GTPBP8: variants seen among roughly 807,000 people sequenced by gnomAD.
GTPBP8 encodes the protein GTP binding protein 8.
Under a neutral mutation model 27.3 loss-of-function variants are expected in GTPBP8, and 21 were observed. That is an observed-to-expected ratio of 0.77 (90% CI 0.55 to 1.11). GTPBP8 has a LOEUF of 1.11. Among genes scored for constraint, GTPBP8 ranks in the 50% least tolerant of loss-of-function variants. The probability of loss-of-function intolerance (pLI) is 0.00; values close to 1 mark genes in which losing one functional copy is unlikely to be tolerated. For synonymous variants in GTPBP8, 147 were observed against 135.3 expected (o/e 1.09, Z -0.60); for missense variants, 380 against 350.8 (o/e 1.08, Z -0.67).
chr3:112,995,960 T>A (rs914903335), intron 3 of GTPBP8, among the ~76,000 whole-genome samples: 1 of 152,224 alleles, frequency 6.6e-6, no homozygotes, highest in Non-Finnish European at 1.5e-5. Flanking sequence ...GCAAATGATA[T>A]CTCTTTTTTG....
At chr3:112,994,437 A>C (rs1342884821) in intron 2 of GTPBP8, among the ~76,000 whole-genome samples, 1 of 152,258 alleles carries the variant, frequency 6.6e-6, no homozygotes, top group Non-Finnish European at 1.5e-5. Flanking sequence ...AAAAAAAAAA[A>C]AAAAGTTGCC....
chr3:112,995,607 G>C (rs1447842610), intron 3 of GTPBP8, among the ~76,000 whole-genome samples: 1 of 151,646 alleles, frequency 6.6e-6, no homozygotes, highest in Non-Finnish European at 1.5e-5. Flanking sequence ...TGCAATCTAG[G>C]ATCACTGCAA....
At chr3:112,993,731 A>C (rs577415101) in intron 2 of GTPBP8, among the ~76,000 whole-genome samples, 1 of 152,286 alleles carries the variant, frequency 6.6e-6, no homozygotes, top group Non-Finnish European at 1.5e-5. Flanking sequence ...AATGTTCACT[A>C]TCCCTGTGTA....
chr3:112,991,280 AC>A lies in GTPBP8; in HGVS notation c.282del (p.Tyr95ThrfsTer22), dbSNP rs775549395. The A allele has an allele frequency of 3.1e-6, 5 of 1,613,492 alleles. No homozygotes were observed. The highest frequency in any genetic ancestry group is 2.2e-5 in the East Asian group (1 of 44,896). On this transcript the variant is annotated frameshift_variant, in exon 1 of 6. Transcript: ENST00000383678. LOFTEE classifies it high-confidence loss of function. ...IFTATERNRI[D>X]YVSSAVRIDH... ...ACGGCCACTGAACGGAACCGCATCG[AC>A]TACGTCAGCTCCGCCGTCCGTATCG...
chr3:112,997,125 T>C, intron 4 of GTPBP8, 134 bp downstream of exon 4: 1 of 605,858 alleles, frequency 1.7e-6, no homozygotes, highest in Non-Finnish European at 2.9e-6. Context: ...GAATAATCTT[T>C]TCAATTAATC....
chr3:113,000,942 T>G lies in GTPBP8; in HGVS notation c.*23T>G. The G allele has an allele frequency of 9.5e-6, 12 of 1,265,764 alleles. No homozygotes were observed. Among genetic ancestry groups the G allele is most frequent in the Non-Finnish European group, 1.1e-5 (10 of 903,560 alleles). 78.4% of individuals were successfully genotyped at this position (1,265,764 alleles called of 1,614,324 possible). Reference sequence around the variant, plus strand: ...TAATGGTTCCCGGTTTAGCTGAAGATTCAAAAAAAAAAAAAAAAGCTTTAT... The same window carrying G: ...TAATGGTTCCCGGTTTAGCTGAAGAGTCAAAAAAAAAAAAAAAAGCTTTAT... On this transcript the variant is annotated 3_prime_UTR_variant, in exon 6 of 6. Coordinates refer to ENST00000383678, the MANE Select transcript of GTPBP8 (RefSeq NM_014170.4).
chr3:112,996,196 C>T (rs553611388), intron 3 of GTPBP8, among the ~76,000 whole-genome samples: 121 of 152,190 alleles, frequency 8.0e-4, no homozygotes, highest in Non-Finnish European at 1.4e-3. Flanking sequence ...CGCCGGCTCA[C>T]GCCTGTAATC....
intron 1 of GTPBP8, chr3:112,992,070 C>T (rs1440361262): frequency 6.6e-6 from 1 of 152,566 alleles, no homozygotes; most frequent in African/African-American, 2.4e-5. Context: ...GAACTATAGT[C>T]AGGATTCAAA....
At chr3:112,992,400 T>C (rs987985696) in intron 1 of GTPBP8, 5 of 152,302 alleles carry the variant, frequency 3.3e-5, no homozygotes, top group African/African-American at 9.7e-5. Flanking sequence ...GAACAACTGA[T>C]TGGCATTGTA....
At position 112,992,933 on chromosome 3, in the gene GTPBP8, A is replaced by T. The variant is rs557233626; in HGVS notation, c.337-93A>T. 1.1e-5 allele frequency: 7 copies of T among 658,898 alleles called. No individual in the cohort carries two copies. The Admixed American group carries it at 1.8e-4, about 17-fold the overall frequency. 40.8% of individuals were successfully genotyped at this position (658,898 alleles called of 1,614,324 possible). A position where few individuals can be genotyped will look rare whatever the true frequency, so the allele number is the denominator to read the frequency against. ...CTGGCACATTTAATTCATTCAATAA[A>T]TATTAGCTGTGTTAGAATTTGAAGT... On this transcript the variant is annotated intron_variant, in intron 1 of 5. Transcript: ENST00000383678.
In GTPBP8 at chr3:112,993,116, A is replaced by G; in HGVS notation, c.427A>G (p.Lys143Glu). The G allele has an allele frequency of 6.4e-7, 1 of 1,568,766 alleles. No homozygotes were observed. The highest frequency in any genetic ancestry group is 8.8e-7 in the Non-Finnish European group (1 of 1,140,490). The change falls in exon 2 of 6, where the codon AAA becomes GAA. Residue 143 changes from lysine (K) to glutamate (E), a missense_variant. Lys to Glu is a moderately conservative substitution (Grantham distance 56). Transcript: ENST00000383678. ...LAPEVEVRVSKKPGHTKKMNF... is the reference protein window; with the variant it reads ...LAPEVEVRVSEKPGHTKKMNF... ...CCCTGAGGTTGAAGTCAGAGTCTCC[A>G]AAAAACCAGTATGTTGAAGTTTTTA...
rs779668576 is a variant in GTPBP8 at position 112,991,291 on chromosome 3, T to G, written c.292T>G (p.Ser98Ala). The change falls in exon 1 of 6, where the codon TCC becomes GCC. Residue 98 changes from serine to alanine, a missense_variant. Coordinates refer to ENST00000383678, the MANE Select transcript of GTPBP8 (RefSeq NM_014170.4). The stretch of plus-strand genomic sequence containing the variant: ...ACGGAACCGCATCGACTACGTCAGC[T>G]CCGCCGTCCGTATCGACCACGCCCC... ...TERNRIDYVS[S>A]AVRIDHAPDL... 6.2e-7 allele frequency: 1 copy of G among 1,613,000 alleles called. No individual in the cohort carries two copies. The highest frequency in any genetic ancestry group is 1.3e-5 in the African/African-American group (1 of 75,028).
chr3:112,996,571 C>T (rs1438012533), intron 3 of GTPBP8, among the ~76,000 whole-genome samples: 1 of 152,110 alleles, frequency 6.6e-6, no homozygotes, highest in African/African-American at 2.4e-5. Flanking sequence ...ATCTCTTTCT[C>T]CTCCTCGAGT....
intron 4 of GTPBP8, among the ~76,000 whole-genome samples, chr3:112,997,524 C>A (rs1933808939): frequency 6.6e-6 from 1 of 152,164 alleles, no homozygotes; most frequent in Non-Finnish European, 1.5e-5. Flanking sequence ...TTGACCTAGA[C>A]TAGAATACCA....
chr3:113,001,285 A>T lies in GTPBP8; in HGVS notation c.*366A>T, dbSNP rs925143779. 5.1e-5 allele frequency: 8 copies of T among 155,700 alleles called. No individual in the cohort carries two copies. Among genetic ancestry groups the T allele is most frequent in the Middle Eastern group, 3.0e-3 (1 of 336 alleles). 9.6% of individuals were successfully genotyped at this position (155,700 alleles called of 1,614,324 possible). A position where few individuals can be genotyped will look rare whatever the true frequency, so the allele number is the denominator to read the frequency against. On this transcript the variant is annotated 3_prime_UTR_variant, in exon 6 of 6. Coordinates refer to ENST00000383678, the MANE Select transcript of GTPBP8 (RefSeq NM_014170.4). ...TGTCTACTATGGGTATTTTTTTTTT[A>T]AATGTTAAAATGGGCTAGGTAAAAG...
At chr3:112,991,944 A>G in intron 1 of GTPBP8, 1 of 236,448 alleles carries the variant, frequency 4.2e-6, no homozygotes, top group South Asian at 5.0e-5. Context: ...GCATTCTTGC[A>G]TGTCCTACAA....
Position 112,991,307 on chromosome 3 carries a change from AC to A in GTPBP8, c.310del (p.His104ThrfsTer13), listed in dbSNP as rs1933672392. 1 of 1,613,562 alleles carries A rather than the reference AC, an allele frequency of 6.2e-7. No individual in the cohort carries two copies. Among genetic ancestry groups the A allele is most frequent in the Non-Finnish European group, 8.5e-7 (1 of 1,180,046 alleles). On this transcript the variant is annotated frameshift_variant, in exon 1 of 6. Transcript: ENST00000383678. LOFTEE classifies it high-confidence loss of function. Reference sequence around the variant, plus strand: ...TACGTCAGCTCCGCCGTCCGTATCGACCACGCCCCGGACCTTCCGCGGCCAG... The same window carrying A: ...TACGTCAGCTCCGCCGTCCGTATCGACACGCCCCGGACCTTCCGCGGCCAG... ...IDYVSSAVRI[D>X]HAPDLPRPEV...
At chr3:112,993,925 A>G (rs532066961) in intron 2 of GTPBP8, among the ~76,000 whole-genome samples, 4 of 152,274 alleles carry the variant, frequency 2.6e-5, no homozygotes, top group Non-Finnish European at 5.9e-5. Flanking sequence ...AAATCAGCCA[A>G]ATGATCACTT....
intron 2 of GTPBP8, among the ~76,000 whole-genome samples, chr3:112,994,505 A>T (rs1422807417): frequency 6.6e-6 from 1 of 152,178 alleles, no homozygotes; most frequent in Non-Finnish European, 1.5e-5. Context: ...AACTGAGTAA[A>T]CCACTTTTCA....
Sources: allele counts gnomAD v4.1 joint callset (sites outside exome capture counted in the v4.1 genomes callset), GRCh38; gene constraint gnomAD v4.1.1; transcripts MANE v1.5; gene names NCBI Gene and HGNC (gene_info 2026-07-23, HGNC 2026-07-21).